The following ABAT variants were observed in gnomAD, a reference collection of about 807,000 sequenced individuals.
The protein encoded by ABAT is 4-aminobutyrate aminotransferase.
In ABAT, 45 loss-of-function variants were observed where a neutral mutation model predicts 64.6. That is an observed-to-expected ratio of 0.70 (90% CI 0.55 to 0.89). The LOEUF is 0.89. ABAT is among the 40% of genes least tolerant of loss of function. The pLI is 0.00. For synonymous variants in ABAT, 297 were observed against 250.5 expected, an observed-to-expected ratio of 1.19 and a Z score of -1.75; for missense variants, 633 against 658.4, an observed-to-expected ratio of 0.96 and a Z score of 0.42.
chr16:8,676,239 G>T (rs1020289892), intron 1 of ABAT, among the ~76,000 whole-genome samples: 4 of 152,134 alleles, frequency 2.6e-5, no homozygotes, highest in Admixed American at 1.3e-4. Flanking sequence ...ACCTAAAAGG[G>T]CTTCTGCATT....
chr16:8,728,335 G>A (rs1048300605), intron 1 of ABAT, among the ~76,000 whole-genome samples: 6 of 152,154 alleles, frequency 3.9e-5, no homozygotes, highest in Non-Finnish European at 7.3e-5. Flanking sequence ...AATTGAAAAC[G>A]TGTGGGATTG....
At chr16:8,727,624 A>T (rs1395342279) in intron 1 of ABAT, among the ~76,000 whole-genome samples, 1 of 152,178 alleles carries the variant, frequency 6.6e-6, no homozygotes, top group East Asian at 1.9e-4. Context: ...TGTACATATC[A>T]TGCTGAGTTA....
intron 2 of ABAT, chr16:8,736,229 T>A (rs1228770169): frequency 2.6e-5 from 2 of 76,696 alleles, no homozygotes; most frequent in Admixed American, 1.8e-4. Context: ...TCCCACTGGG[T>A]CCCTCCCATG....
intron 14 of ABAT, among the ~76,000 whole-genome samples, chr16:8,777,051 G>A (rs1298679): frequency 0.86 from 130,226 of 152,158 alleles, 57,324 homozygotes; most frequent in East Asian, 0.99. Context: ...GGCATGTGCC[G>A]TTATGCCCTA....
chr16:8,758,078 C>A (rs1445017333), intron 6 of ABAT, among the ~76,000 whole-genome samples: 1 of 152,158 alleles, frequency 6.6e-6, no homozygotes, highest in African/African-American at 2.4e-5. Flanking sequence ...GCTTTGTGGG[C>A]ATAAAAGAAT....
Position 8,764,712 on chromosome 16 carries a change from G to A in ABAT, c.448-26G>A. The A allele has an allele frequency of 6.2e-7, 1 of 1,603,944 alleles. No homozygotes were observed. Among genetic ancestry groups the A allele is most frequent in the Non-Finnish European group, 8.5e-7 (1 of 1,170,792 alleles). ...AGGACAGGAGTCATGATGAGCCTGG[G>A]CTCACGGCTATTTCCCTCCCCACAG... On this transcript the variant is annotated intron_variant, in intron 7 of 15. Transcript: ENST00000268251. The surrounding 1 kb of genome is among the most constrained non-coding windows in gnomAD (Gnocchi z 4.2).
Position 8,696,295 on chromosome 16 carries a change from A to G in ABAT, c.-42+21584A>G, listed in dbSNP as rs182368355. 1.8e-3 allele frequency among the ~76,000 whole-genome samples: 268 copies of G among 152,232 alleles called. 2 individuals are homozygous for G. The highest frequency in any genetic ancestry group is 6.8e-3 in the Middle Eastern group (2 of 294). On this transcript the variant is annotated intron_variant, in intron 1 of 15. Transcript: ENST00000268251. Reference sequence around the variant, plus strand: ...GTGACTGTGCAGGGGGACCCTGGGGAAGAAGGCTGACCTCTGGTCGGGAAC... The same window carrying G: ...GTGACTGTGCAGGGGGACCCTGGGGGAGAAGGCTGACCTCTGGTCGGGAAC...
intron 1 of ABAT, among the ~76,000 whole-genome samples, chr16:8,735,261 G>T (rs1223048534): frequency 2.0e-5 from 3 of 150,808 alleles, no homozygotes; most frequent in African/African-American, 7.3e-5. Flanking sequence ...TTTTGGTTTG[G>T]TTTTTTTTGA....
At position 8,774,875 on chromosome 16, in the gene ABAT, C is replaced by T. The variant is rs778033706; in HGVS notation, c.955-15C>T. The stretch of plus-strand genomic sequence containing the variant: ...ACGGGTGTTTATTTCTCCCTCCTCT[C>T]TCTTCTCCGGCCAGCATGGCTGCGC... On this transcript the variant is annotated splice_polypyrimidine_tract_variant and intron_variant, in intron 12 of 15. Transcript: ENST00000268251. 6.2e-7 allele frequency: 1 copy of T among 1,613,510 alleles called. No individual in the cohort carries two copies.
At chr16:8,720,466 G>C (rs573408409) in intron 1 of ABAT, among the ~76,000 whole-genome samples, 51 of 152,346 alleles carry the variant, frequency 3.3e-4, no homozygotes, top group Non-Finnish European at 6.5e-4. Flanking sequence ...ATGCCCAAGA[G>C]GCAGGTGATA....
chr16:8,741,001 CA>C (rs1317526104), intron 2 of ABAT, among the ~76,000 whole-genome samples: 1 of 152,234 alleles, frequency 6.6e-6, no homozygotes, highest in African/African-American at 2.4e-5. Flanking sequence ...ATTCGTTTAT[CA>C]CTCTCGGTCT....
At chr16:8,746,636 C>G (rs2059338778) in intron 3 of ABAT, among the ~76,000 whole-genome samples, 2 of 151,704 alleles carry the variant, frequency 1.3e-5, no homozygotes, top group African/African-American at 4.8e-5. Flanking sequence ...CCGCGTCAAC[C>G]TCTCAAAGTG....
rs761184958 is a variant in ABAT at position 8,774,982 on chromosome 16, A to G, written c.1047A>G (p.Pro349=). ...WAHEHWGLDD[P]ADVMTFSKKM... The stretch of plus-strand genomic sequence containing the variant: ...ATGAGCACTGGGGCCTGGATGACCC[A>G]GCAGACGTGATGACCTTCAGCAAGA... Residue 349 remains proline (P), a synonymous_variant, in exon 13 of 16, where the codon CCA becomes CCG. Transcript: ENST00000268251. The G allele has an allele frequency of 2.5e-6, 4 of 1,614,232 alleles. No individual in the cohort carries two copies. Among genetic ancestry groups the G allele is most frequent in the Non-Finnish European group, 3.4e-6 (4 of 1,180,044 alleles).
chr16:8,710,376 A>G (rs756424543), intron 1 of ABAT, among the ~76,000 whole-genome samples: 1 of 152,162 alleles, frequency 6.6e-6, no homozygotes, highest in African/African-American at 2.4e-5. Flanking sequence ...AGACTTTTGC[A>G]TGCCATTTCT....
chr16:8,676,035 TGGGGGTGGGGA>T (rs1186638839), intron 1 of ABAT, among the ~76,000 whole-genome samples: 1 of 122,350 alleles, frequency 8.2e-6, no homozygotes, highest in Non-Finnish European at 1.7e-5. Flanking sequence ...GTTGGTGACC[TGGGGGTGGGGA>T]GGGGGTGGGA....
intron 11 of ABAT, among the ~76,000 whole-genome samples, chr16:8,772,252 C>CTCTGTG (rs1207234339): frequency 9.5e-5 from 14 of 147,962 alleles, no homozygotes; most frequent in South Asian, 2.2e-4. Context: ...CTCTCTGTCT[C>CTCTGTG]TGTGTGTGTG....
chr16:8,675,554 A>G (rs2057178941), intron 1 of ABAT, among the ~76,000 whole-genome samples: 1 of 151,752 alleles, frequency 6.6e-6, no homozygotes, highest in African/African-American at 2.4e-5. Context: ...CCACTCCCAC[A>G]CCTGGCTGCC....
intron 1 of ABAT, among the ~76,000 whole-genome samples, chr16:8,705,945 G>T (rs972381142): frequency 1.3e-5 from 2 of 152,138 alleles, no homozygotes; most frequent in African/African-American, 4.8e-5. Flanking sequence ...GCAACAATTT[G>T]TTTTATAGTT....
In ABAT at chr16:8,775,058, G is replaced by T; in HGVS notation, c.1122+1G>T. ...CAAGGAGGAGTTCAGGCCTAATGCT[G>T]TGAGTTGGAGCCAACCTTCTCTCTA... On this transcript the variant is annotated splice_donor_variant, in intron 13 of 15. Transcript: ENST00000268251. LOFTEE classifies it high-confidence loss of function. 1 of 1,614,228 alleles carries T rather than the reference G, an allele frequency of 6.2e-7. No individual in the cohort carries two copies. The highest frequency in any genetic ancestry group is 8.5e-7 in the Non-Finnish European group (1 of 1,180,044).
Sources: allele counts gnomAD v4.1 joint callset (sites outside exome capture counted in the v4.1 genomes callset), GRCh38; gene constraint gnomAD v4.1.1; non-coding constraint Gnocchi (gnomAD v3.1); transcripts MANE v1.5; gene names NCBI Gene and HGNC (gene_info 2026-07-23, HGNC 2026-07-21).